The following CACNG8 variants were observed in gnomAD, a reference collection of about 807,000 sequenced individuals.
CACNG8 encodes calcium voltage-gated channel auxiliary subunit gamma 8, also known as voltage-dependent calcium channel gamma-8 subunit.
Under a neutral mutation model 26.9 loss-of-function variants are expected in CACNG8, and 5 were observed. The observed-to-expected ratio is 0.19, with a 90% confidence interval of 0.10 to 0.39. CACNG8 has a LOEUF of 0.39. CACNG8 is among the 10% of genes least tolerant of loss of function. The pLI, the probability that CACNG8 is intolerant of heterozygous loss-of-function variation, is 1.00. For synonymous variants in CACNG8, 321 were observed against 296.7 expected (o/e 1.08, Z -0.84); for missense variants, 473 against 609.4 (o/e 0.78, Z 2.36).
In CACNG8 at chr19:53,982,286, C is replaced by T. The variant is rs755214736; in HGVS notation, c.715C>T (p.Arg239Cys). 1.2e-6 allele frequency: 2 copies of T among 1,611,030 alleles called. No individual in the cohort carries two copies. The highest frequency in any genetic ancestry group is 1.7e-6 in the Non-Finnish European group (2 of 1,179,046). ...CAGCCGCGAGGCGCACTGCCAGTCTCGCTCGGACCTGCTCAAGGCCGGCGG... is the reference window on the plus strand; with the variant it reads ...CAGCCGCGAGGCGCACTGCCAGTCTTGCTCGGACCTGCTCAAGGCCGGCGG... The change falls in exon 4 of 4, where the codon CGC becomes TGC. Residue 239 changes from arginine to cysteine, a missense_variant. Transcript: ENST00000270458. This position sits in a 1 kb window ranked among gnomAD's most constrained non-coding sequence, Gnocchi z 8.4.
rs1330954292 is a variant in CACNG8 at position 53,982,985 on chromosome 19, C to A, written c.*136C>A. ...GACTGCTGGGCCCGCCCCACGCCCACCCTCCCCGCCCCCCTCCCCCTCCGA... is the reference window on the plus strand; with the variant it reads ...GACTGCTGGGCCCGCCCCACGCCCAACCTCCCCGCCCCCCTCCCCCTCCGA... On this transcript the variant is annotated 3_prime_UTR_variant, in exon 4 of 4. Transcript: ENST00000270458. The surrounding 1 kb of genome is among the most constrained non-coding windows in gnomAD (Gnocchi z 8.4). 1 of 434,292 alleles carries A rather than the reference C, an allele frequency of 2.3e-6. No homozygotes were observed. Among genetic ancestry groups the A allele is most frequent in the Non-Finnish European group, 3.5e-6 (1 of 286,450 alleles). The allele number at this position is 434,292 out of a possible 1,614,324, so 26.9% of individuals were successfully genotyped here. A position where few individuals can be genotyped will look rare whatever the true frequency, so the allele number is the denominator to read the frequency against.
At chr19:53,978,264 G>A (rs748157762) in intron 2 of CACNG8, 35 bp downstream of exon 2, 2 of 1,565,464 alleles carry the variant, frequency 1.3e-6, no homozygotes, top group Non-Finnish European at 8.8e-7. Flanking sequence ...TGGGGAGTGG[G>A]TCAAATCGCG....
At chr19:53,966,436 A>G (rs1196221993) in intron 1 of CACNG8, among the ~76,000 whole-genome samples, 6 of 151,950 alleles carry the variant, frequency 3.9e-5, no homozygotes, top group Non-Finnish European at 8.8e-5. Context: ...GTTTTTAGGC[A>G]GGGTTTTGCT....
chr19:53,966,703 C>T (rs1162937693), intron 1 of CACNG8, among the ~76,000 whole-genome samples: 1 of 152,194 alleles, frequency 6.6e-6, no homozygotes, highest in East Asian at 1.9e-4. Flanking sequence ...CTCACGGCTT[C>T]TTATACATCC....
intron 1 of CACNG8, among the ~76,000 whole-genome samples, chr19:53,968,175 G>A (rs1487284992): frequency 6.6e-6 from 1 of 152,158 alleles, no homozygotes; most frequent in Non-Finnish European, 1.5e-5. Context: ...AGGAGTTCGA[G>A]ACCAGCCAGG....
chr19:53,974,278 T>G (rs189549206), intron 1 of CACNG8, among the ~76,000 whole-genome samples: 10 of 152,380 alleles, frequency 6.6e-5, no homozygotes, highest in African/African-American at 2.4e-4. Context: ...TTATAGCATG[T>G]ATCAGAATTT....
chr19:53,964,583 C>T (rs543968598), intron 1 of CACNG8, among the ~76,000 whole-genome samples: 1 of 152,098 alleles, frequency 6.6e-6, no homozygotes, highest in African/African-American at 2.4e-5. Flanking sequence ...GCTACCTCCT[C>T]GGATCTTCGA....
chr19:53,989,656 T>C lies in CACNG8; in HGVS notation c.*6807T>C, dbSNP rs1057407501. The C allele has an allele frequency of 1.3e-5, 2 of 152,186 alleles. No homozygotes were observed. Among genetic ancestry groups the C allele is most frequent in the African/African-American group, 4.8e-5 (2 of 41,418 alleles). The allele number at this position is 152,186 out of a possible 1,614,324, so 9.4% of individuals were successfully genotyped here. Reference sequence around the variant, plus strand: ...GTGTTCTGACGGGGCCACGCGGGCATTGAGGAAACGCAGCAGGCCCCTCCC... The same window carrying C: ...GTGTTCTGACGGGGCCACGCGGGCACTGAGGAAACGCAGCAGGCCCCTCCC... On this transcript the variant is annotated 3_prime_UTR_variant, in exon 4 of 4. Coordinates refer to ENST00000270458, the MANE Select transcript of CACNG8 (RefSeq NM_031895.6).
In CACNG8 at chr19:53,982,300, C is replaced by G. The variant is rs778336724; in HGVS notation, c.729C>G (p.Leu243=). The G allele has an allele frequency of 1.2e-6, 2 of 1,605,528 alleles. No individual in the cohort carries two copies. The highest frequency in any genetic ancestry group is 2.2e-5 in the South Asian group (2 of 90,028). The change falls in exon 4 of 4, where the codon CTC becomes CTG. Residue 243 remains leucine, a synonymous_variant. Coordinates refer to ENST00000270458, the MANE Select transcript of CACNG8 (RefSeq NM_031895.6). The surrounding 1 kb of genome is among the most constrained non-coding windows in gnomAD (Gnocchi z 8.4). Reference sequence around the variant, plus strand: ...ACTGCCAGTCTCGCTCGGACCTGCTCAAGGCCGGCGGGGGCGCGGGCGGCA... The same window carrying G: ...ACTGCCAGTCTCGCTCGGACCTGCTGAAGGCCGGCGGGGGCGCGGGCGGCA...
intron 1 of CACNG8, among the ~76,000 whole-genome samples, chr19:53,969,824 TTA>T (rs2069291927): frequency 6.6e-6 from 1 of 152,198 alleles, no homozygotes; most frequent in South Asian, 2.1e-4. Flanking sequence ...CTTTATTCCT[TTA>T]CTGTCTTTAA....
intron 2 of CACNG8, among the ~76,000 whole-genome samples, chr19:53,978,782 G>A (rs1272744047): frequency 6.8e-6 from 1 of 147,530 alleles, no homozygotes; most frequent in Non-Finnish European, 1.5e-5. Context: ...GGCGGGGAGT[G>A]GGGGCGGGGA....
In CACNG8 at chr19:53,979,800, G is replaced by A. The variant is rs1037219327; in HGVS notation, c.368-67G>A. 8 of 1,487,814 alleles carry A rather than the reference G, an allele frequency of 5.4e-6. No homozygotes were observed. The African/African-American group carries it at 7.1e-5, about 13-fold the overall frequency. The allele number at this position is 1,487,814 out of a possible 1,614,324, so 92.2% of individuals were successfully genotyped here. ...CGCCGCGAGATGGGGGGCCGGGAAG[G>A]GGGCGCAGGCGGCCGCGTCTGACCG... On this transcript the variant is annotated intron_variant, in intron 2 of 3. Transcript: ENST00000270458.
In CACNG8 at chr19:53,982,412, A is replaced by G. The variant is rs2069375712; in HGVS notation, c.841A>G (p.Ser281Gly). ...CCGCTCCCGCTCTAGCTCCCGCTCC[A>G]GCGAGCCGTCGCCGTCGCGGGACGC... Residue 281 changes from serine to glycine, a missense_variant, in exon 4 of 4, where the codon AGC becomes GGC. Ser to Gly is a moderately conservative substitution (Grantham distance 56, BLOSUM62 0). This residue lies in a region of CACNG8 where 212 missense variants were observed against 214.4 expected (regional missense o/e 0.99). Coordinates refer to ENST00000270458, the MANE Select transcript of CACNG8 (RefSeq NM_031895.6). This position sits in a 1 kb window ranked among gnomAD's most constrained non-coding sequence, Gnocchi z 8.4. The G allele has an allele frequency of 6.6e-7, 1 of 1,521,384 alleles. No homozygotes were observed. The highest frequency in any genetic ancestry group is 1.4e-5 in the African/African-American group (1 of 70,242). 94.2% of individuals were successfully genotyped at this position (1,521,384 alleles called of 1,614,324 possible).
Position 53,980,018 on chromosome 19 carries a change from G to A in CACNG8, c.508+11G>A. 6.2e-7 allele frequency: 1 copy of A among 1,601,372 alleles called. No homozygotes were observed. On this transcript the variant is annotated intron_variant, in intron 3 of 3. Transcript: ENST00000270458. Reference sequence around the variant, plus strand: ...TGTTCGTGGCAGCAGGTGAGAGGCAGAGGGAGGGGGCGACCGGGGCGGCCC... The same window carrying A: ...TGTTCGTGGCAGCAGGTGAGAGGCAAAGGGAGGGGGCGACCGGGGCGGCCC...
chr19:53,974,950 TA>T (rs1351119915), intron 1 of CACNG8, among the ~76,000 whole-genome samples: 5 of 151,042 alleles, frequency 3.3e-5, no homozygotes, highest in African/African-American at 4.9e-5. Context: ...TATTTTATTT[TA>T]TTTTTTTATT....
intron 1 of CACNG8, among the ~76,000 whole-genome samples, chr19:53,973,622 A>G (rs1452363675): frequency 2.0e-5 from 3 of 151,918 alleles, no homozygotes; most frequent in Non-Finnish European, 4.4e-5. Context: ...AGGTCGGGAG[A>G]TCGAGACCAT....
chr19:53,976,764 C>G (rs945307046), intron 1 of CACNG8, among the ~76,000 whole-genome samples: 2 of 152,134 alleles, frequency 1.3e-5, no homozygotes, highest in African/African-American at 4.8e-5. Flanking sequence ...CCTCCACCTC[C>G]TGGGTTCAAG....
At chr19:53,980,301 C>G (rs2069358243) in intron 3 of CACNG8, among the ~76,000 whole-genome samples, 1 of 151,946 alleles carries the variant, frequency 6.6e-6, no homozygotes, top group African/African-American at 2.4e-5. Context: ...GGATCCCAAG[C>G]CCGCCGTCCT....
At chr19:53,975,355 T>C (rs927211350) in intron 1 of CACNG8, among the ~76,000 whole-genome samples, 1 of 152,030 alleles carries the variant, frequency 6.6e-6, no homozygotes, top group Non-Finnish European at 1.5e-5. Flanking sequence ...CATCTTTTCA[T>C]GTGCTTGTGG....
Sources: gnomAD v4.1 joint callset for allele counts (sites outside exome capture counted in the v4.1 genomes callset) on GRCh38, gnomAD v4.1.1 for gene constraint, gnomAD v4.1.1 regional missense constraint, Gnocchi (gnomAD v3.1) non-coding constraint, MANE v1.5 for transcripts, NCBI Gene and HGNC (gene_info 2026-07-23, HGNC 2026-07-21) for gene names.